PLGRKT: variants seen among roughly 807,000 people sequenced by gnomAD.
The protein encoded by PLGRKT is plasminogen receptor with a C-terminal lysine, also known as plasminogen receptor (KT).
PLGRKT carries 22 observed loss-of-function variants against 18.5 expected under a neutral mutation model. That is an observed-to-expected ratio of 1.19 (90% CI 0.85 to 1.70). The LOEUF is 1.70. Among genes scored for constraint, PLGRKT ranks in the 40% most tolerant of loss-of-function variants. The pLI is 0.00. For synonymous variants in PLGRKT, 72 were observed against 52.8 expected (o/e 1.36, Z -1.58); for missense variants, 235 against 174.4 (o/e 1.35, Z -1.96).
At chr9:5,358,722 G>A (rs1032346332) in intron 5 of PLGRKT, among the ~76,000 whole-genome samples, 2 of 152,128 alleles carry the variant, frequency 1.3e-5, no homozygotes, top group African/African-American at 2.4e-5. Context: ...TAATATAAGT[G>A]ACAAGAGAGA....
intron 5 of PLGRKT, among the ~76,000 whole-genome samples, chr9:5,359,067 T>A (rs558231878): frequency 5.9e-4 from 40 of 68,374 alleles, no homozygotes; most frequent in East Asian, 2.3e-3. Context: ...CTATTTTATT[T>A]TTTTTTTTTT....
At chr9:5,428,684 C>A (rs534010628) in intron 3 of PLGRKT, among the ~76,000 whole-genome samples, 1 of 152,058 alleles carries the variant, frequency 6.6e-6, no homozygotes, top group Non-Finnish European at 1.5e-5. Context: ...TCTTTTGTCT[C>A]TGTTCTTTTA....
In PLGRKT at chr9:5,397,342, T is replaced by C. The variant is rs1488826339; in HGVS notation, c.81+34555A>G. On this transcript the variant is annotated intron_variant, in intron 3 of 5. Transcript: ENST00000223864. Reference sequence around the variant, plus strand: ...CTTCTTTCCAAAGGCAGCTCTTCCCTGACCTCTACATCCAGCTTTAGTGTT... The same window carrying C: ...CTTCTTTCCAAAGGCAGCTCTTCCCCGACCTCTACATCCAGCTTTAGTGTT... Among the ~76,000 whole-genome samples, 3 of 152,062 alleles carry C rather than the reference T, an allele frequency of 2.0e-5. No homozygotes were observed. The South Asian group carries it at 6.2e-4, about 31-fold the overall frequency.
At chr9:5,424,146 A>G (rs977026481) in intron 3 of PLGRKT, among the ~76,000 whole-genome samples, 44 of 140,520 alleles carry the variant, frequency 3.1e-4, no homozygotes, top group Middle Eastern at 3.6e-3. Context: ...TATATTATAT[A>G]TTACATGTAA....
chr9:5,399,867 T>TGTCATCCCAGCTA (rs1357811097), intron 3 of PLGRKT, among the ~76,000 whole-genome samples: 1 of 151,590 alleles, frequency 6.6e-6, no homozygotes, highest in African/African-American at 2.4e-5. Context: ...GGTGCACGCC[T>TGTCATCCCAGCTA]GTCATCCCAG....
At chr9:5,398,462 A>G (rs1563779283) in intron 3 of PLGRKT, among the ~76,000 whole-genome samples, 3 of 152,032 alleles carry the variant, frequency 2.0e-5, no homozygotes, top group Admixed American at 6.5e-5. Flanking sequence ...AAGAAAACAG[A>G]GAAACAAGCT....
rs980352633 is a variant in PLGRKT at position 5,437,847 on chromosome 9, C to T, written c.-191G>A. On this transcript the variant is annotated 5_prime_UTR_variant, in exon 1 of 6. Transcript: ENST00000223864. Reference sequence around the variant, plus strand: ...TACGCAAACCTCCAGGCCCGGGCTCCTTTCGCCCGCTGCAGGGACCGGGCC... The same window carrying T: ...TACGCAAACCTCCAGGCCCGGGCTCTTTTCGCCCGCTGCAGGGACCGGGCC... The T allele has an allele frequency of 6.6e-6, 1 of 152,278 alleles. No individual in the cohort carries two copies. The highest frequency in any genetic ancestry group is 2.4e-5 in the African/African-American group (1 of 41,468). The allele number at this position is 152,278 out of a possible 1,614,324, so 9.4% of individuals were successfully genotyped here. A position where few individuals can be genotyped will look rare whatever the true frequency, so the allele number is the denominator to read the frequency against.
intron 1 of PLGRKT, among the ~76,000 whole-genome samples, chr9:5,437,354 C>A (rs1239671640): frequency 1.3e-5 from 2 of 152,170 alleles, no homozygotes; most frequent in African/African-American, 4.8e-5. Context: ...ATCGTCTCAC[C>A]ACAGTCATTT....
At chr9:5,430,891 G>C (rs1818809148) in intron 3 of PLGRKT, among the ~76,000 whole-genome samples, 1 of 152,218 alleles carries the variant, frequency 6.6e-6, no homozygotes, top group Non-Finnish European at 1.5e-5. Flanking sequence ...TAGGCAATTA[G>C]ATAATCTTCT....
rs143668893 is a variant in PLGRKT, at chr9:5,379,985, G to A, written c.82-18097C>T. ...ATATAAACAGTATTTGTAATTGAAC[G>A]AAACTGGGGACCAATTAAATGTCTA... On this transcript the variant is annotated intron_variant, in intron 3 of 5. Coordinates refer to ENST00000223864, the MANE Select transcript of PLGRKT (RefSeq NM_018465.4). Among the ~76,000 whole-genome samples the A allele has an allele frequency of 2.1e-4, 32 of 152,304 alleles. No homozygotes were observed. In the East Asian group the frequency reaches 5.4e-3, roughly 26 times the overall value.
At chr9:5,431,738 T>C (rs1194734665) in intron 3 of PLGRKT, among the ~76,000 whole-genome samples, 159 bp downstream of exon 3, 1 of 152,144 alleles carries the variant, frequency 6.6e-6, no homozygotes, top group Non-Finnish European at 1.5e-5. Context: ...AATTAGCCCA[T>C]TCACCAGATA....
At chr9:5,438,279 C>G (rs533830692), upstream of PLGRKT, among the ~76,000 whole-genome samples, 2 of 152,330 alleles carry the variant, frequency 1.3e-5, no homozygotes, top group Middle Eastern at 3.4e-3. Context: ...CTCGCCTCAA[C>G]CTCACCAGCA....
At chr9:5,430,224 T>C (rs994527705) in intron 3 of PLGRKT, among the ~76,000 whole-genome samples, 4 of 152,196 alleles carry the variant, frequency 2.6e-5, no homozygotes, top group African/African-American at 9.7e-5. Context: ...ACACGTTAGC[T>C]TGCAAGTAGG....
At chr9:5,409,303 C>A (rs1049295712) in intron 3 of PLGRKT, among the ~76,000 whole-genome samples, 4 of 152,166 alleles carry the variant, frequency 2.6e-5, no homozygotes, top group South Asian at 4.2e-4. Context: ...TGGATGGGCA[C>A]CATCTAATCA....
At position 5,422,507 on chromosome 9, in the gene PLGRKT, G is replaced by A. The variant is rs370264099; in HGVS notation, c.81+9390C>T. Reference sequence around the variant, plus strand: ...GGTTTCTTCAACAAATAAATAGTACGACAAGTAGAAAGGGAGGGATATTCT... The same window carrying A: ...GGTTTCTTCAACAAATAAATAGTACAACAAGTAGAAAGGGAGGGATATTCT... On this transcript the variant is annotated intron_variant, in intron 3 of 5. Transcript: ENST00000223864. 7.9e-5 allele frequency among the ~76,000 whole-genome samples: 12 copies of A among 152,234 alleles called. No individual in the cohort carries two copies. In the South Asian group the frequency reaches 2.1e-3, roughly 26 times the overall value.
chr9:5,363,558 A>G (rs936899835), intron 3 of PLGRKT, among the ~76,000 whole-genome samples: 6 of 152,190 alleles, frequency 3.9e-5, no homozygotes, highest in African/African-American at 1.2e-4. Context: ...TCTCTTAGGC[A>G]TGCTCTCTGT....
intron 3 of PLGRKT, among the ~76,000 whole-genome samples, chr9:5,369,581 C>T (rs149833626): frequency 1.3e-5 from 2 of 152,298 alleles, no homozygotes; most frequent in African/African-American, 4.8e-5. Flanking sequence ...ACCCAGCAAT[C>T]CCATTACTGG....
At chr9:5,366,080 A>T (rs10975072) in intron 3 of PLGRKT, among the ~76,000 whole-genome samples, 36,878 of 152,082 alleles carry the variant, frequency 0.24, 4,735 homozygotes, top group African/African-American at 0.32. Flanking sequence ...AACTATTCTA[A>T]ATTTCATAAG....
chr9:5,376,242 T>C (rs959446241), intron 3 of PLGRKT, among the ~76,000 whole-genome samples: 1 of 152,036 alleles, frequency 6.6e-6, no homozygotes, highest in Non-Finnish European at 1.5e-5. Context: ...TTTCATTTGG[T>C]TACGATGGAA....
Sources: gnomAD v4.1 joint callset for allele counts (sites outside exome capture counted in the v4.1 genomes callset) on GRCh38, gnomAD v4.1.1 for gene constraint, MANE v1.5 for transcripts, NCBI Gene and HGNC (gene_info 2026-07-23, HGNC 2026-07-21) for gene names.